SORCS1: variants seen among roughly 807,000 people sequenced by gnomAD.
The protein encoded by SORCS1 is sortilin related VPS10 domain containing receptor 1.
Under a neutral mutation model 146.1 loss-of-function variants are expected in SORCS1, and 60 were observed. The ratio of observed to expected loss-of-function variants is 0.41; its 90% confidence interval spans 0.33 to 0.51. The LOEUF is 0.51. Among genes scored for constraint, SORCS1 ranks in the 20% least tolerant of loss-of-function variants. The pLI, the probability that SORCS1 is intolerant of heterozygous loss-of-function variation, is 0.21. For synonymous variants in SORCS1, 637 were observed against 584.0 expected (o/e 1.09, Z -1.31); for missense variants, 1,352 against 1,487.6 (o/e 0.91, Z 1.50).
chr10:106,994,063 C>CAAAAAAAAAAAAAAA, intron 1 of SORCS1, among the ~76,000 whole-genome samples: 1 of 80,848 alleles, frequency 1.2e-5, no homozygotes, highest in Non-Finnish European at 2.3e-5. Flanking sequence ...GACCCCATCT[C>CAAAAAAAAAAAAAAA]AAAAAAAAAA....
At chr10:106,995,650 T>G (rs1956959282) in intron 1 of SORCS1, among the ~76,000 whole-genome samples, 1 of 152,162 alleles carries the variant, frequency 6.6e-6, no homozygotes, top group Admixed American at 6.5e-5. Context: ...CTTTTCTTCC[T>G]AAGTTAGGGC....
intron 1 of SORCS1, among the ~76,000 whole-genome samples, chr10:107,008,725 C>T (rs866626650): frequency 4.6e-5 from 7 of 152,128 alleles, no homozygotes; most frequent in South Asian, 2.1e-4. Flanking sequence ...GGGCCGGGTG[C>T]GGTGGCTCAT....
intron 1 of SORCS1, among the ~76,000 whole-genome samples, chr10:107,029,791 A>G (rs1215624042): frequency 6.6e-6 from 1 of 151,800 alleles, no homozygotes; most frequent in African/African-American, 2.4e-5. Context: ...CTATTTTCTC[A>G]CTCCTATCCA....
chr10:107,041,245 G>A (rs1426421596), intron 1 of SORCS1, among the ~76,000 whole-genome samples: 1 of 152,074 alleles, frequency 6.6e-6, no homozygotes, highest in Non-Finnish European at 1.5e-5. Flanking sequence ...GATTTACCCA[G>A]GAGAGCACAT....
At chr10:106,687,657 G>A (rs1016694609) in intron 10 of SORCS1, among the ~76,000 whole-genome samples, 4 of 152,198 alleles carry the variant, frequency 2.6e-5, no homozygotes, top group Non-Finnish European at 4.4e-5. Flanking sequence ...TCAGTTTTAC[G>A]GAGTAAGACA....
At chr10:106,840,848 T>A (rs1024648292) in intron 2 of SORCS1, among the ~76,000 whole-genome samples, 1 of 105,902 alleles carries the variant, frequency 9.4e-6, no homozygotes, top group East Asian at 3.3e-4. Flanking sequence ...ATATTATATA[T>A]ATATATATAT....
intron 1 of SORCS1, among the ~76,000 whole-genome samples, chr10:107,021,655 A>G (rs1469299531): frequency 6.6e-6 from 1 of 151,778 alleles, no homozygotes; most frequent in African/African-American, 2.4e-5. Flanking sequence ...CAAGTATGTT[A>G]GAGTCAGGTA....
In SORCS1 at chr10:106,989,690, T is replaced by TTTTTTTTTTTTTTTTTTTTG. The variant is rs1956680929; in HGVS notation, c.559-33111_559-33110insCAAAAAAAAAAAAAAAAAAA. 1.4e-5 allele frequency among the ~76,000 whole-genome samples: 2 copies of TTTTTTTTTTTTTTTTTTTTG among 140,260 alleles called. 1 individual carries two copies. The highest frequency in any genetic ancestry group is 5.7e-5 in the African/African-American group (2 of 35,118). 92.0% of individuals were successfully genotyped at this position (140,260 alleles called of 152,430 possible). A position where few individuals can be genotyped will look rare whatever the true frequency, so the allele number is the denominator to read the frequency against. On this transcript the variant is annotated intron_variant, in intron 1 of 25. Transcript: ENST00000263054. ...TTTCTGTTTTTTTTTGTTTTTTTTT[T>TTTTTTTTTTTTTTTTTTTTG]TTTTTTTTTTTTCTGAGATGGAGTC...
intron 17 of SORCS1, among the ~76,000 whole-genome samples, chr10:106,664,083 G>C (rs1258984381): frequency 1.3e-5 from 2 of 152,138 alleles, no homozygotes; most frequent in Non-Finnish European, 2.9e-5. Context: ...AAATCATTTG[G>C]GGTCAGATGC....
At chr10:106,848,249 CT>C (rs1210726314) in intron 2 of SORCS1, among the ~76,000 whole-genome samples, 1 of 48,138 alleles carries the variant, frequency 2.1e-5, no homozygotes. Flanking sequence ...TCAGGACTTG[CT>C]TTATGAATCT....
chr10:106,710,645 G>A (rs143636704), intron 6 of SORCS1, among the ~76,000 whole-genome samples: 150 of 152,008 alleles, frequency 9.9e-4, no homozygotes, highest in African/African-American at 3.3e-3. Flanking sequence ...CACTATCCTG[G>A]CCTCTATCTA....
At chr10:106,600,812 C>T in intron 23 of SORCS1, 1 of 650,268 alleles carries the variant, frequency 1.5e-6, no homozygotes, top group Non-Finnish European at 1.9e-6. Flanking sequence ...TAGGGTATCT[C>T]CATTAAAAAT....
At chr10:106,969,377 G>A (rs1022175270) in intron 1 of SORCS1, among the ~76,000 whole-genome samples, 4 of 152,188 alleles carry the variant, frequency 2.6e-5, no homozygotes, top group Admixed American at 2.0e-4. Flanking sequence ...AGAAGAACCA[G>A]TTCCTGAATA....
intron 3 of SORCS1, among the ~76,000 whole-genome samples, chr10:106,802,562 G>C (rs568960966): frequency 6.6e-6 from 1 of 151,318 alleles, no homozygotes; most frequent in South Asian, 2.1e-4. Context: ...ACAGTGGCAT[G>C]ATATTGGCAC....
intron 18 of SORCS1, among the ~76,000 whole-genome samples, chr10:106,651,861 T>C (rs1363501151): frequency 2.6e-5 from 4 of 152,224 alleles, no homozygotes; most frequent in Non-Finnish European, 4.4e-5. Flanking sequence ...TGTATGCTTT[T>C]AATGATATCC....
intron 18 of SORCS1, among the ~76,000 whole-genome samples, chr10:106,644,427 T>C (rs982205392): frequency 6.6e-6 from 1 of 152,048 alleles, no homozygotes; most frequent in African/African-American, 2.4e-5. Context: ...GGTGCAGTAG[T>C]GTGATCTCAG....
chr10:106,646,612 C>T (rs973003315), intron 18 of SORCS1, among the ~76,000 whole-genome samples: 1 of 152,260 alleles, frequency 6.6e-6, no homozygotes, highest in Admixed American at 6.5e-5. Flanking sequence ...AGGAGAATCG[C>T]TTGACCCCAG....
chr10:107,095,297 T>C (rs1441425310), intron 1 of SORCS1, among the ~76,000 whole-genome samples: 1 of 152,146 alleles, frequency 6.6e-6, no homozygotes, highest in Non-Finnish European at 1.5e-5. Flanking sequence ...TACAGTTGCA[T>C]CAGACACAGA....
intron 2 of SORCS1, among the ~76,000 whole-genome samples, chr10:106,830,991 G>C (rs1948520326): frequency 6.6e-6 from 1 of 152,084 alleles, no homozygotes; most frequent in Non-Finnish European, 1.5e-5. Flanking sequence ...TCAGGAGTTT[G>C]AGACCAGCCT....
Sources: gnomAD v4.1 joint callset for allele counts (sites outside exome capture counted in the v4.1 genomes callset) on GRCh38, gnomAD v4.1.1 for gene constraint, MANE v1.5 for transcripts, NCBI Gene and HGNC (gene_info 2026-07-23, HGNC 2026-07-21) for gene names.